Variants in PPP2CA observed in about 807,000 individuals in gnomAD.
The protein encoded by PPP2CA is serine/threonine-protein phosphatase 2A catalytic subunit alpha isoform.
In PPP2CA, 5 loss-of-function variants were observed where a neutral mutation model predicts 38.8. The observed-to-expected ratio is 0.13, with a 90% CI of 0.07 to 0.27. The LOEUF is 0.27. PPP2CA is among the 10% of genes least tolerant of loss of function. The pLI is 1.00. For missense variants in PPP2CA, 88 were observed against 389.7 expected (o/e 0.23, Z 6.52); for synonymous variants, 152 against 134.0 (o/e 1.13, Z -0.93).
chr5:134,214,719 T>C (rs1277060423), intron 1 of PPP2CA, among the ~76,000 whole-genome samples: 1 of 152,076 alleles, frequency 6.6e-6, no homozygotes, highest in Admixed American at 6.6e-5. Context: ...TCTGAAGTAT[T>C]TGTATAAACT....
chr5:134,224,431 T>TA (rs1448575906), intron 1 of PPP2CA: 1 of 378,074 alleles, frequency 2.6e-6, no homozygotes, highest in Admixed American at 3.8e-5. Flanking sequence ...ACATGGTTTC[T>TA]AAAAAAGCCT....
intron 1 of PPP2CA, among the ~76,000 whole-genome samples, chr5:134,207,752 T>C (rs144346711): frequency 1.7e-3 from 252 of 152,350 alleles, no homozygotes; most frequent in African/African-American, 5.7e-3. Context: ...TTTCACCATG[T>C]TGTCCAGGCT....
Position 134,212,408 on chromosome 5 carries a change from G to C in PPP2CA, c.103-6277C>G, listed in dbSNP as rs552214761. On this transcript the variant is annotated intron_variant, in intron 1 of 6. Transcript: ENST00000481195. ...TGATGTTACTATTGTAATTGCTGTG[G>C]GGCACTACCAACCGTGCCCATAAGA... Among the ~76,000 whole-genome samples the C allele has an allele frequency of 5.9e-5, 9 of 152,150 alleles. No individual in the cohort carries two copies. The East Asian group carries it at 1.4e-3, about 23-fold the overall frequency.
intron 1 of PPP2CA, among the ~76,000 whole-genome samples, chr5:134,225,239 T>C (rs1022119252): frequency 1.3e-5 from 2 of 152,122 alleles, no homozygotes; most frequent in African/African-American, 4.8e-5. Flanking sequence ...GCTTGGTGAG[T>C]TTAATACAAA....
In PPP2CA at chr5:134,197,584, T is replaced by G; in HGVS notation, c.*188A>C. The G allele has an allele frequency of 1.7e-6, 1 of 579,440 alleles. No individual in the cohort carries two copies. The highest frequency in any genetic ancestry group is 2.2e-5 in the South Asian group (1 of 45,120). 35.9% of individuals were successfully genotyped at this position (579,440 alleles called of 1,614,324 possible). A position where few individuals can be genotyped will look rare whatever the true frequency, so the allele number is the denominator to read the frequency against. ...TTCAGCATGCAATGAACTGGTTCAT[T>G]CTAAAGTGGTCACGGCTGTTGATGA... On this transcript the variant is annotated 3_prime_UTR_variant, in exon 7 of 7. Coordinates refer to ENST00000481195, the MANE Select transcript of PPP2CA (RefSeq NM_002715.4).
At position 134,196,385 on chromosome 5, in the gene PPP2CA, C is replaced by A. The variant is rs1010237088; in HGVS notation, c.*1387G>T. On this transcript the variant is annotated 3_prime_UTR_variant, in exon 7 of 7. Coordinates refer to ENST00000481195, the MANE Select transcript of PPP2CA (RefSeq NM_002715.4). Reference sequence around the variant, plus strand: ...AAGAACTTTTTTTTAAACATCTAATCCTATTCGAAGGATAAAAGGGGAAAA... The same window carrying A: ...AAGAACTTTTTTTTAAACATCTAATACTATTCGAAGGATAAAAGGGGAAAA... 1 of 152,110 alleles carries A rather than the reference C, an allele frequency of 6.6e-6. No individual in the cohort carries two copies. The highest frequency in any genetic ancestry group is 2.4e-5 in the African/African-American group (1 of 41,418). The allele number at this position is 152,110 out of a possible 1,614,324, so 9.4% of individuals were successfully genotyped here.
intron 1 of PPP2CA, 111 bp from the exon 2 acceptor site, chr5:134,206,242 A>G: frequency 1.1e-6 from 1 of 895,208 alleles, no homozygotes; most frequent in Non-Finnish European, 1.7e-6. Flanking sequence ...GTCTAAGATA[A>G]AATTGCAGGC....
rs55774248 is a variant in PPP2CA, at chr5:134,196,654, T to A, written c.*1118A>T. On this transcript the variant is annotated 3_prime_UTR_variant, in exon 7 of 7. Transcript: ENST00000481195. ...CCAATCTGTCAATCATTTTAAAGAGTCCATATAATATACACATAGCAATAT... is the reference window on the plus strand; with the variant it reads ...CCAATCTGTCAATCATTTTAAAGAGACCATATAATATACACATAGCAATAT... 1 of 152,262 alleles carries A rather than the reference T, an allele frequency of 6.6e-6. No homozygotes were observed. Among genetic ancestry groups the A allele is most frequent in the Non-Finnish European group, 1.5e-5 (1 of 68,028 alleles). The allele number at this position is 152,262 out of a possible 1,614,324, so 9.4% of individuals were successfully genotyped here.
In PPP2CA at chr5:134,197,735, A is replaced by G; in HGVS notation, c.*37T>C. 1 of 1,508,350 alleles carries G rather than the reference A, an allele frequency of 6.6e-7. No individual in the cohort carries two copies. Among genetic ancestry groups the G allele is most frequent in the South Asian group, 1.1e-5 (1 of 88,410 alleles). 93.4% of individuals were successfully genotyped at this position (1,508,350 alleles called of 1,614,324 possible). On this transcript the variant is annotated 3_prime_UTR_variant, in exon 7 of 7. Transcript: ENST00000481195. ...CTTCCCATTTCCATTAGGTCGATATATGGTTCATGGCAATACTGTACAAGT... is the reference window on the plus strand; with the variant it reads ...CTTCCCATTTCCATTAGGTCGATATGTGGTTCATGGCAATACTGTACAAGT...
rs1411130414 is a variant in PPP2CA, at chr5:134,225,993, C to T, written c.-132G>A. 2.7e-6 allele frequency: 2 copies of T among 751,806 alleles called. No homozygotes were observed. The highest frequency in any genetic ancestry group is 4.2e-6 in the Non-Finnish European group (2 of 475,242). The allele number at this position is 751,806 out of a possible 1,614,324, so 46.6% of individuals were successfully genotyped here. On this transcript the variant is annotated 5_prime_UTR_variant, in exon 1 of 7. Coordinates refer to ENST00000481195, the MANE Select transcript of PPP2CA (RefSeq NM_002715.4). ...GGCTGTTGAGGCTGGCGCTGGCCCGCTGGCTCTCACCGCAGTACTCGGCCG... is the reference window on the plus strand; with the variant it reads ...GGCTGTTGAGGCTGGCGCTGGCCCGTTGGCTCTCACCGCAGTACTCGGCCG...
At chr5:134,212,421 C>T (rs963589194) in intron 1 of PPP2CA, among the ~76,000 whole-genome samples, 9 of 152,126 alleles carry the variant, frequency 5.9e-5, no homozygotes, top group Non-Finnish European at 1.3e-4. Flanking sequence ...CACTACCAAC[C>T]GTGCCCATAA....
intron 1 of PPP2CA, chr5:134,225,525 G>T (rs1762552928): frequency 2.1e-6 from 1 of 467,648 alleles, no homozygotes; most frequent in Non-Finnish European, 3.8e-6. Context: ...TGACTCAAAA[G>T]CCCAGGAGTC....
At chr5:134,225,646 A>G in intron 1 of PPP2CA, 114 bp downstream of exon 1, 1 of 865,554 alleles carries the variant, frequency 1.2e-6, no homozygotes, top group Non-Finnish European at 1.7e-6. Context: ...CCGGTCTCGG[A>G]GACTCGGGGG....
intron 1 of PPP2CA, among the ~76,000 whole-genome samples, chr5:134,213,849 C>T (rs1762260782): frequency 6.6e-6 from 1 of 152,154 alleles, no homozygotes; most frequent in African/African-American, 2.4e-5. Context: ...GGCTGAAAAG[C>T]CCAGGCACAG....
chr5:134,201,381 T>G (rs1232551256), intron 3 of PPP2CA, among the ~76,000 whole-genome samples: 1 of 152,218 alleles, frequency 6.6e-6, no homozygotes, highest in Non-Finnish European at 1.5e-5. Flanking sequence ...TTGAGTACAC[T>G]CCTGTTCTTC....
Position 134,197,043 on chromosome 5 carries a change from T to C in PPP2CA, c.*729A>G, listed in dbSNP as rs1246534352. ...TACTCAATTGATTTAACTTTTTTAA[T>C]AAACAGCACCAGTCTTGCCCATTGA... On this transcript the variant is annotated 3_prime_UTR_variant, in exon 7 of 7. Coordinates refer to ENST00000481195, the MANE Select transcript of PPP2CA (RefSeq NM_002715.4). 2.0e-5 allele frequency: 3 copies of C among 152,656 alleles called. No homozygotes were observed. Among genetic ancestry groups the C allele is most frequent in the Non-Finnish European group, 2.9e-5 (2 of 68,032 alleles). The allele number at this position is 152,656 out of a possible 1,614,324, so 9.5% of individuals were successfully genotyped here.
At chr5:134,214,508 G>A (rs897351062) in intron 1 of PPP2CA, among the ~76,000 whole-genome samples, 16 of 152,024 alleles carry the variant, frequency 1.1e-4, no homozygotes, top group African/African-American at 3.6e-4. Flanking sequence ...ATGCCAATTT[G>A]TTATACAATA....
intron 5 of PPP2CA, 147 bp from the exon 6 acceptor site, chr5:134,199,351 A>C: frequency 3.2e-6 from 2 of 616,154 alleles, no homozygotes; most frequent in South Asian, 2.0e-5. Flanking sequence ...TGGATGACTT[A>C]ATAATCTCCT....
In PPP2CA at chr5:134,200,407, T is replaced by C. The variant is rs1330809525; in HGVS notation, c.666A>G (p.Gln222=). Residue 222 remains glutamine, a synonymous_variant, in exon 5 of 7, where the codon CAA becomes CAG. Coordinates refer to ENST00000481195, the MANE Select transcript of PPP2CA (RefSeq NM_002715.4). ...CATGATTAAATGTCTCAGAAATATC[T>C]TGCCCAAAGGTGTAACCAGCTCCTC... The part of the protein sequence containing the change: ...SPRGAGYTFG[Q]DISETFNHAN... The C allele has an allele frequency of 5.6e-6, 9 of 1,614,048 alleles. No individual in the cohort carries two copies. Among genetic ancestry groups the C allele is most frequent in the Non-Finnish European group, 7.6e-6 (9 of 1,180,014 alleles).
Sources: allele counts gnomAD v4.1 joint callset (sites outside exome capture counted in the v4.1 genomes callset), GRCh38; gene constraint gnomAD v4.1.1; transcripts MANE v1.5; gene names NCBI Gene and HGNC (gene_info 2026-07-23, HGNC 2026-07-21).